SLC22A5: variants seen among roughly 807,000 people sequenced by gnomAD.
The protein encoded by SLC22A5 is solute carrier family 22 member 5.
Under a neutral mutation model 56.7 loss-of-function variants are expected in SLC22A5, and 44 were observed. That is an observed-to-expected ratio of 0.78 (90% CI 0.61 to 1.00). The LOEUF is 1.00. Ranked by LOEUF, SLC22A5 falls within the 50% of genes least tolerant of loss-of-function variation. The pLI is 0.00. For missense variants in SLC22A5, 675 were observed against 723.0 expected (o/e 0.93, Z 0.76); for synonymous variants, 278 against 292.1 (o/e 0.95, Z 0.49).
chr5:132,371,864 C>G (rs1313799611), intron 1 of SLC22A5, among the ~76,000 whole-genome samples: 1 of 152,088 alleles, frequency 6.6e-6, no homozygotes, highest in Admixed American at 6.5e-5. Flanking sequence ...CTGAGCCTCC[C>G]CTCCTGGAGC....
intron 1 of SLC22A5, chr5:132,377,742 T>A: frequency 5.5e-6 from 1 of 182,490 alleles, no homozygotes. Context: ...AATAGTAGAG[T>A]GGGAGCTAAA....
At chr5:132,393,863 G>T (rs1752790334) in intron 9 of SLC22A5, 52 bp downstream of exon 9, 1 of 1,604,036 alleles carries the variant, frequency 6.2e-7, no homozygotes, top group Non-Finnish European at 8.5e-7. Flanking sequence ...GGTCTGGCCA[G>T]GTCTCAGGAG....
Position 132,370,176 on chromosome 5 carries a change from A to C in SLC22A5, c.204A>C (p.Pro68=), listed in dbSNP as rs1428250679. Residue 68 remains proline (P), a synonymous_variant, in exon 1 of 10, where the codon CCA becomes CCC. Coordinates refer to ENST00000245407, the MANE Select transcript of SLC22A5 (RefSeq NM_003060.4). ...GCGCCTGGCGCAACCACACTGTCCC[A>C]CTGCGGCTGCGGGACGGCCGCGAGG... is the stretch of plus-strand genomic sequence containing the variant. ...LSSAWRNHTV[P]LRLRDGREVP... The C allele has an allele frequency of 1.0e-5, 16 of 1,602,814 alleles. No homozygotes were observed. The highest frequency in any genetic ancestry group is 1.4e-5 in the Non-Finnish European group (16 of 1,175,020).
rs1403461912 is a variant in SLC22A5, at chr5:132,369,778, G to A, written c.-195G>A. On this transcript the variant is annotated 5_prime_UTR_variant, in exon 1 of 10. Transcript: ENST00000245407. ...CGGCCCAGGCCCGCAACCTTCCCTG[G>A]TCGTGCGCCCTATGTAAGGCCAGCC... 2 of 646,106 alleles carry A rather than the reference G, an allele frequency of 3.1e-6. No individual in the cohort carries two copies. The highest frequency in any genetic ancestry group is 4.5e-5 in the South Asian group (2 of 44,636). The allele number at this position is 646,106 out of a possible 1,614,324, so 40.0% of individuals were successfully genotyped here. A position where few individuals can be genotyped will look rare whatever the true frequency, so the allele number is the denominator to read the frequency against.
chr5:132,390,476 C>T lies in SLC22A5; in HGVS notation c.1053-214C>T, dbSNP rs147055623. On this transcript the variant is annotated intron_variant, in intron 6 of 9. Transcript: ENST00000245407. ...CTGTCTATATGGAAGGCTCTGAGAG[C>T]GCACTGGCGCAGGGTTTACACTGTA... The T allele has an allele frequency of 6.0e-4, 375 of 623,380 alleles. No homozygotes were observed. In the Middle Eastern group the frequency reaches 8.5e-3, roughly 14 times the overall value. The allele number at this position is 623,380 out of a possible 1,614,324, so 38.6% of individuals were successfully genotyped here.
intron 8 of SLC22A5, among the ~76,000 whole-genome samples, chr5:132,393,359 A>G (rs1305229915): frequency 2.0e-5 from 3 of 152,200 alleles, no homozygotes; most frequent in African/African-American, 4.8e-5. Flanking sequence ...TGGAAACCCA[A>G]CCTTGGTAAA....
At position 132,378,350 on chromosome 5, in the gene SLC22A5, T is replaced by C. The variant is rs1455437925; in HGVS notation, c.394-28T>C. On this transcript the variant is annotated intron_variant, in intron 1 of 9. Transcript: ENST00000245407. Reference sequence around the variant, plus strand: ...TTAAAACCTTTTAAAAAGAAGTGAATGATACACCCCCTTTGCTCATCTTGC... The same window carrying C: ...TTAAAACCTTTTAAAAAGAAGTGAACGATACACCCCCTTTGCTCATCTTGC... The C allele has an allele frequency of 6.8e-6, 11 of 1,612,070 alleles. No homozygotes were observed. The East Asian group carries it at 1.3e-4, about 20-fold the overall frequency.
intron 1 of SLC22A5, among the ~76,000 whole-genome samples, chr5:132,375,892 T>C (rs1752125025): frequency 6.6e-6 from 1 of 152,224 alleles, no homozygotes; most frequent in Non-Finnish European, 1.5e-5. Context: ...CATTTTAACA[T>C]TGATACCTGT....
In SLC22A5 at chr5:132,378,446, G is replaced by C. The variant is rs771808266; in HGVS notation, c.462G>C (p.Leu154=). 1.9e-6 allele frequency: 3 copies of C among 1,614,218 alleles called. No homozygotes were observed. The highest frequency in any genetic ancestry group is 2.5e-6 in the Non-Finnish European group (3 of 1,180,026). Residue 154 remains leucine, a synonymous_variant, in exon 2 of 10, where the codon CTG becomes CTC. Coordinates refer to ENST00000245407, the MANE Select transcript of SLC22A5 (RefSeq NM_003060.4). ...LTISLFFVGV[L]LGSFISGQLS... ...TCTCCTTGTTCTTCGTGGGTGTGCT[G>C]TTGGGCTCCTTCATTTCAGGGCAGC... is the stretch of plus-strand genomic sequence containing the variant.
rs1449690838 is a variant in SLC22A5 at position 132,378,478 on chromosome 5, A to G, written c.494A>G (p.Asp165Gly). The change falls in exon 2 of 10, where the codon GAC (aspartate) becomes GGC (glycine). Residue 165 changes from aspartate to glycine, a missense_variant. Asp to Gly is a moderately conservative substitution (Grantham distance 94). Coordinates refer to ENST00000245407, the MANE Select transcript of SLC22A5 (RefSeq NM_003060.4). ...TCCTTCATTTCAGGGCAGCTGTCAGACAGGTAAGGTGTCTGTCTTCTGGAG... is the reference window on the plus strand; with the variant it reads ...TCCTTCATTTCAGGGCAGCTGTCAGGCAGGTAAGGTGTCTGTCTTCTGGAG... ...LGSFISGQLS[D>G]RFGRKNVLFV... The G allele has an allele frequency of 1.2e-6, 2 of 1,612,832 alleles. No individual in the cohort carries two copies. Among genetic ancestry groups the G allele is most frequent in the Non-Finnish European group, 8.5e-7 (1 of 1,178,926 alleles).
chr5:132,378,159 G>A (rs1252753676), intron 1 of SLC22A5: 1 of 1,570,648 alleles, frequency 6.4e-7, no homozygotes, highest in Non-Finnish European at 8.6e-7. Context: ...TCCTCAAAAT[G>A]GAAGCAAGAC....
intron 1 of SLC22A5, chr5:132,377,774 C>A: frequency 5.1e-6 from 1 of 196,540 alleles, no homozygotes; most frequent in East Asian, 1.2e-4. Context: ...TACCTCCAAG[C>A]TCAGGACTTT....
In SLC22A5 at chr5:132,369,801, G is replaced by A; in HGVS notation, c.-172G>A. 1 of 822,512 alleles carries A rather than the reference G, an allele frequency of 1.2e-6. No homozygotes were observed. Among genetic ancestry groups the A allele is most frequent in the Non-Finnish European group, 1.8e-6 (1 of 554,660 alleles). 51.0% of individuals were successfully genotyped at this position (822,512 alleles called of 1,614,324 possible). ...TGGTCGTGCGCCCTATGTAAGGCCA[G>A]CCGCGGCAGGACCAAGGCGGCGGTG... is the stretch of plus-strand genomic sequence containing the variant. On this transcript the variant is annotated 5_prime_UTR_variant, in exon 1 of 10. Coordinates refer to ENST00000245407, the MANE Select transcript of SLC22A5 (RefSeq NM_003060.4).
intron 1 of SLC22A5, 148 bp from the exon 2 acceptor site, chr5:132,378,229 TG>T: frequency 6.2e-7 from 1 of 1,613,960 alleles, no homozygotes; most frequent in South Asian, 1.1e-5. Flanking sequence ...TCTGCCTTCC[TG>T]CCCAGGTGAG....
At chr5:132,384,069 G>A in intron 2 of SLC22A5, 78 bp from the exon 3 acceptor site, 4 of 1,448,464 alleles carry the variant, frequency 2.8e-6, no homozygotes, top group Non-Finnish European at 3.9e-6. Flanking sequence ...GATGGATCTT[G>A]AGAAAGCCCC....
rs1328401933 is a variant in SLC22A5, at chr5:132,374,842, G to T, written c.394-3536G>T. Among the ~76,000 whole-genome samples, 8 of 151,926 alleles carry T rather than the reference G, an allele frequency of 5.3e-5. No individual in the cohort carries two copies. In the South Asian group the frequency reaches 1.5e-3, roughly 28 times the overall value. ...AGGCCAAGGTGGGCAGATAACCTGA[G>T]GTCAGAGTTCAAGACCAGCCTGGTC... On this transcript the variant is annotated intron_variant, in intron 1 of 9. Coordinates refer to ENST00000245407, the MANE Select transcript of SLC22A5 (RefSeq NM_003060.4).
At chr5:132,371,107 T>C (rs934683524) in intron 1 of SLC22A5, among the ~76,000 whole-genome samples, 2 of 152,078 alleles carry the variant, frequency 1.3e-5, no homozygotes, top group Admixed American at 6.6e-5. Context: ...AGTCTCCGAG[T>C]AGCTGTGAGC....
At chr5:132,382,058 A>G (rs1752364550) in intron 2 of SLC22A5, 1 of 152,136 alleles carries the variant, frequency 6.6e-6, no homozygotes, top group Non-Finnish European at 1.5e-5. Context: ...TAACATTTTG[A>G]GCCAAATAAT....
In SLC22A5 at chr5:132,393,796, T is replaced by C. The variant is rs760636939; in HGVS notation, c.1571T>C (p.Met524Thr). ...GTPLPDTIDQ[M>T]LRVKGMKHRK... is the part of the protein sequence containing the mutation. Reference sequence around the variant, plus strand: ...CCACTCCCAGACACCATTGACCAGATGCTAAGAGTCAAAGGGTAAGAAGAC... The same window carrying C: ...CCACTCCCAGACACCATTGACCAGACGCTAAGAGTCAAAGGGTAAGAAGAC... The change falls in exon 9 of 10, where the codon ATG (methionine) becomes ACG (threonine). Residue 524 changes from methionine (M) to threonine (T), a missense_variant. By Grantham distance (81) the Met-to-Thr change is moderately conservative. Transcript: ENST00000245407. The C allele has an allele frequency of 1.2e-6, 2 of 1,614,146 alleles. No homozygotes were observed. Among genetic ancestry groups the C allele is most frequent in the Non-Finnish European group, 1.7e-6 (2 of 1,180,012 alleles).
Sources: gnomAD v4.1 joint callset for allele counts (sites outside exome capture counted in the v4.1 genomes callset) on GRCh38, gnomAD v4.1.1 for gene constraint, MANE v1.5 for transcripts, NCBI Gene and HGNC (gene_info 2026-07-23, HGNC 2026-07-21) for gene names.